Variants in EHMT1 observed in about 807,000 individuals in gnomAD.
The protein encoded by EHMT1 is histone-lysine N-methyltransferase EHMT1.
EHMT1 carries 15 observed loss-of-function variants against 147.2 expected under a neutral mutation model. The ratio of observed to expected loss-of-function variants is 0.10; its 90% CI spans 0.07 to 0.16. The LOEUF is 0.16. Among genes scored for constraint, EHMT1 ranks in the 10% least tolerant of loss-of-function variants. The pLI is 1.00. For missense variants in EHMT1, 1,587 were observed against 1,772.4 expected (o/e 0.90, Z 1.88); for synonymous variants, 795 against 709.6 (o/e 1.12, Z -1.91).
At chr9:137,753,513 C>A (rs181508721) in intron 7 of EHMT1, among the ~76,000 whole-genome samples, 1 of 152,318 alleles carries the variant, frequency 6.6e-6, no homozygotes, top group Non-Finnish European at 1.5e-5. Context: ...GGCTGCCCAG[C>A]AAAGGCCTTG....
At chr9:137,620,582 G>T (rs1490693975) in intron 1 of EHMT1, among the ~76,000 whole-genome samples, 2 of 152,024 alleles carry the variant, frequency 1.3e-5, no homozygotes, top group Non-Finnish European at 2.9e-5. Flanking sequence ...GGTAGAGACC[G>T]GGGTTTCACC....
chr9:137,822,236 G>GAA (rs1564826317), intron 25 of EHMT1, among the ~76,000 whole-genome samples: 1 of 152,192 alleles, frequency 6.6e-6, no homozygotes, highest in African/African-American at 2.4e-5. Context: ...TCTGTTGTTG[G>GAA]ACGGTGACCC....
At chr9:137,637,000 C>A (rs939375130) in intron 1 of EHMT1, among the ~76,000 whole-genome samples, 3 of 148,688 alleles carry the variant, frequency 2.0e-5, no homozygotes, top group African/African-American at 7.5e-5. Flanking sequence ...TGGGTTCACG[C>A]CATTCTCCCG....
At chr9:137,821,495 T>C (rs1466876748) in intron 25 of EHMT1, among the ~76,000 whole-genome samples, 1 of 151,900 alleles carries the variant, frequency 6.6e-6, no homozygotes, top group East Asian at 1.9e-4. Context: ...GCCCGGCTAA[T>C]TTTTTTATTT....
chr9:137,678,140 A>C (rs115434684), intron 1 of EHMT1, among the ~76,000 whole-genome samples: 1 of 152,228 alleles, frequency 6.6e-6, no homozygotes, highest in Admixed American at 6.5e-5. Flanking sequence ...ATTAAAAACT[A>C]GTATATAATC....
chr9:137,821,001 C>T (rs1955370095), intron 25 of EHMT1, among the ~76,000 whole-genome samples: 1 of 152,220 alleles, frequency 6.6e-6, no homozygotes, highest in South Asian at 2.1e-4. Flanking sequence ...TCTCAGCCTC[C>T]CGAGTAGCTG....
rs531264058 is a variant in EHMT1, at chr9:137,782,952, C to T, written c.2382+555C>T. Among the ~76,000 whole-genome samples, 49 of 152,304 alleles carry T rather than the reference C, an allele frequency of 3.2e-4. No homozygotes were observed. The highest frequency in any genetic ancestry group is 5.2e-4 in the Admixed American group (8 of 15,296). ...GACGCTGTTTGTCCCCCTGTGACGC[C>T]CCTTCCCTGATCCCGGTGTTGGATC... On this transcript the variant is annotated intron_variant, in intron 15 of 26. Coordinates refer to ENST00000460843, the MANE Select transcript of EHMT1 (RefSeq NM_024757.5). The surrounding 1 kb of genome is among the most constrained non-coding windows in gnomAD (Gnocchi z 5.7).
chr9:137,773,180 A>T (rs377341957), intron 10 of EHMT1, among the ~76,000 whole-genome samples: 1 of 152,236 alleles, frequency 6.6e-6, no homozygotes, highest in Non-Finnish European at 1.5e-5. Context: ...CTAGACTTCT[A>T]TGTGTATAAC....
At chr9:137,814,611 G>A (rs928439747) in intron 22 of EHMT1, 103 bp downstream of exon 22, 44 of 1,370,124 alleles carry the variant, frequency 3.2e-5, no homozygotes, top group Middle Eastern at 4.0e-4. Flanking sequence ...TCGTGGCAGC[G>A]TCGGGAAGGA....
At chr9:137,772,966 C>G (rs1950689195) in intron 10 of EHMT1, among the ~76,000 whole-genome samples, 1 of 152,210 alleles carries the variant, frequency 6.6e-6, no homozygotes, top group Non-Finnish European at 1.5e-5. Context: ...TGCCTGGACC[C>G]CCTACCCCGC....
chr9:137,763,910 C>G (rs1950034190), intron 10 of EHMT1: 1 of 152,376 alleles, frequency 6.6e-6, no homozygotes, highest in Non-Finnish European at 1.5e-5. Flanking sequence ...ATGGGCAACA[C>G]CCGGGAGGAG....
At chr9:137,653,687 C>T (rs1272185360) in intron 1 of EHMT1, among the ~76,000 whole-genome samples, 1 of 152,072 alleles carries the variant, frequency 6.6e-6, no homozygotes, top group Non-Finnish European at 1.5e-5. Context: ...TGCCACCGTG[C>T]CCAGTTAATT....
chr9:137,757,604 G>A lies in EHMT1; in HGVS notation c.1370-276G>A, dbSNP rs10780187. On this transcript the variant is annotated intron_variant, in intron 8 of 26. Transcript: ENST00000460843. ...TTGGTGTAGTTACAGAGAAAGATGT[G>A]CTGACATGTTGGTGCCTTTGTTTTT... is the stretch of plus-strand genomic sequence containing the variant. 0.34 allele frequency among the ~76,000 whole-genome samples: 51,746 copies of A among 152,092 alleles called. 9,154 individuals are homozygous for A. The highest frequency in any genetic ancestry group is 0.43 in the Admixed American group (6,587 of 15,276).
At chr9:137,711,675 A>AG (rs1025890190) in intron 2 of EHMT1, among the ~76,000 whole-genome samples, 1 of 152,042 alleles carries the variant, frequency 6.6e-6, no homozygotes, top group Non-Finnish European at 1.5e-5. Context: ...CCCCTCTGTA[A>AG]GGCGTGGCGC....
At chr9:137,701,587 T>C (rs1943830514) in intron 1 of EHMT1, among the ~76,000 whole-genome samples, 1 of 150,586 alleles carries the variant, frequency 6.6e-6, no homozygotes, top group Non-Finnish European at 1.5e-5. Context: ...GCCTCTTGAG[T>C]AGCTGGGATT....
chr9:137,692,479 C>T (rs900102078), intron 1 of EHMT1, among the ~76,000 whole-genome samples: 1 of 151,764 alleles, frequency 6.6e-6, no homozygotes, highest in Non-Finnish European at 1.5e-5. Flanking sequence ...TGGCCAGGCC[C>T]GATCTCGAAC....
At chr9:137,815,727 C>G in intron 22 of EHMT1, 1 of 594,878 alleles carries the variant, frequency 1.7e-6, no homozygotes, top group Non-Finnish European at 3.1e-6. Flanking sequence ...GGGGAGCGCT[C>G]CAGGGGGTCT....
At chr9:137,660,085 C>A (rs911365381) in intron 1 of EHMT1, among the ~76,000 whole-genome samples, 1 of 151,758 alleles carries the variant, frequency 6.6e-6, no homozygotes, top group South Asian at 2.1e-4. Context: ...ACCTGTAGTC[C>A]CAGCACTTTG....
intron 9 of EHMT1, among the ~76,000 whole-genome samples, chr9:137,759,028 G>A (rs1949600932): frequency 6.6e-6 from 1 of 152,016 alleles, no homozygotes; most frequent in African/African-American, 2.4e-5. Context: ...TCGGGAGGCT[G>A]AGGCAGGAGA....
Sources: gnomAD v4.1 joint callset for allele counts (sites outside exome capture counted in the v4.1 genomes callset) on GRCh38, gnomAD v4.1.1 for gene constraint, Gnocchi (gnomAD v3.1) non-coding constraint, MANE v1.5 for transcripts, NCBI Gene and HGNC (gene_info 2026-07-23, HGNC 2026-07-21) for gene names.